The following CNTNAP3B variants were observed in gnomAD, a reference collection of about 807,000 sequenced individuals.
CNTNAP3B encodes the protein contactin-associated protein-like 3B.
A neutral mutation model predicts 108.9 loss-of-function variants in CNTNAP3B; 25 were observed. The ratio of observed to expected loss-of-function variants is 0.23; its 90% CI spans 0.17 to 0.32. CNTNAP3B has a LOEUF of 0.32. Ranked by LOEUF, CNTNAP3B falls within the 10% of genes least tolerant of loss-of-function variation. The pLI is 1.00. For missense variants in CNTNAP3B, 252 were observed against 1,210.4 expected, an observed-to-expected ratio of 0.21 and a Z score of 11.75; for synonymous variants, 103 against 473.4, an observed-to-expected ratio of 0.22 and a Z score of 10.16.
chr9:42,035,863 C>T (rs1192140966), intron 3 of CNTNAP3B, among the ~76,000 whole-genome samples: 3 of 144,198 alleles, frequency 2.1e-5, no homozygotes, highest in Non-Finnish European at 3.0e-5. Flanking sequence ...TGAGGTCTTG[C>T]TATGTTGCCC....
At chr9:42,028,681 A>G (rs1826453154) in intron 3 of CNTNAP3B, among the ~76,000 whole-genome samples, 1 of 149,914 alleles carries the variant, frequency 6.7e-6, no homozygotes, top group South Asian at 2.1e-4. Context: ...TTCTCATCAA[A>G]TTAGAATTTT....
At position 42,029,688 on chromosome 9, in the gene CNTNAP3B, G is replaced by A. The variant is rs1171271428; in HGVS notation, c.391-16163C>T. ...TAGGACTACAGGCACATGCCACTAT[G>A]CCCAGCTAATTGTTGTATTTTTGGT... On this transcript the variant is annotated intron_variant, in intron 3 of 23. Coordinates refer to ENST00000377561, the MANE Select transcript of CNTNAP3B (RefSeq NM_001201380.3). Among the ~76,000 whole-genome samples, 3 of 124,672 alleles carry A rather than the reference G, an allele frequency of 2.4e-5. 1 individual carries two copies. Among genetic ancestry groups the A allele is most frequent in the African/African-American group, 1.0e-4 (3 of 29,936 alleles). The allele number at this position is 124,672 out of a possible 152,430, so 81.8% of individuals were successfully genotyped here.
chr9:42,088,826 T>C (rs1232709558), intron 2 of CNTNAP3B, among the ~76,000 whole-genome samples: 3 of 139,566 alleles, frequency 2.1e-5, no homozygotes, highest in Non-Finnish European at 3.1e-5. Flanking sequence ...TTGTTGCATA[T>C]GTAAATTGGC....
At chr9:42,095,027 G>C (rs1315292397) in intron 2 of CNTNAP3B, among the ~76,000 whole-genome samples, 1 of 115,062 alleles carries the variant, frequency 8.7e-6, no homozygotes, top group African/African-American at 3.4e-5. Flanking sequence ...TCTTTTAGCG[G>C]TGAGAATAGT....
At chr9:41,934,057 A>T (rs1297460219) in intron 14 of CNTNAP3B, among the ~76,000 whole-genome samples, 1 of 145,406 alleles carries the variant, frequency 6.9e-6, no homozygotes, top group Non-Finnish European at 1.5e-5. Flanking sequence ...TATGTTAATT[A>T]TTCCACTGTT....
chr9:42,061,097 T>A (rs2118568967), intron 3 of CNTNAP3B, among the ~76,000 whole-genome samples: 1 of 98,884 alleles, frequency 1.0e-5, no homozygotes, highest in South Asian at 3.5e-4. Flanking sequence ...GGGTGTAATG[T>A]TTGGTTGTTT....
chr9:41,966,460 GA>G (rs1234663613), intron 10 of CNTNAP3B, among the ~76,000 whole-genome samples: 2 of 152,282 alleles, frequency 1.3e-5, no homozygotes, highest in African/African-American at 4.8e-5. Context: ...CTAGCATGCA[GA>G]AGACCAACAG....
At chr9:42,026,907 C>T (rs1338167182) in intron 3 of CNTNAP3B, among the ~76,000 whole-genome samples, 2 of 117,948 alleles carry the variant, frequency 1.7e-5, no homozygotes, top group Non-Finnish European at 3.5e-5. Flanking sequence ...GGGTCTCTTA[C>T]CTAATCCAAG....
chr9:41,951,934 G>A (rs1240493438), intron 13 of CNTNAP3B, among the ~76,000 whole-genome samples: 14 of 152,212 alleles, frequency 9.2e-5, no homozygotes, highest in Admixed American at 2.6e-4. Context: ...AAAATTAGCC[G>A]GGCGTGGCGG....
At chr9:41,977,261 C>G (rs1235925692) in intron 9 of CNTNAP3B, among the ~76,000 whole-genome samples, 3 of 151,658 alleles carry the variant, frequency 2.0e-5, no homozygotes, top group East Asian at 1.9e-4. Context: ...TATACTTTGA[C>G]AAATCATTTT....
intron 12 of CNTNAP3B, among the ~76,000 whole-genome samples, chr9:41,956,482 T>C (rs77846540): frequency 5.9e-3 from 894 of 151,006 alleles, no homozygotes; most frequent in Non-Finnish European, 9.2e-3. Flanking sequence ...TAAGTAGAAC[T>C]ACTGTAAACG....
At chr9:41,927,677 A>C (rs1823858681) in intron 15 of CNTNAP3B, among the ~76,000 whole-genome samples, 1 of 152,048 alleles carries the variant, frequency 6.6e-6, no homozygotes, top group Non-Finnish European at 1.5e-5. Context: ...AATTCAGTAA[A>C]ATAAGAGCTA....
rs1345505393 is a variant in CNTNAP3B at position 41,912,635 on chromosome 9, G to A, written c.2996-3854C>T. On this transcript the variant is annotated intron_variant, in intron 18 of 23. Coordinates refer to ENST00000377561, the MANE Select transcript of CNTNAP3B (RefSeq NM_001201380.3). ...CTTTTCTAATTTCCCTTTTGATTTC[G>A]GAGTGTATAGTTTAATTTCCACATA... Among the ~76,000 whole-genome samples, 101 of 59,134 alleles carry A rather than the reference G, an allele frequency of 1.7e-3. 1 individual carries two copies. Among genetic ancestry groups the A allele is most frequent in the Admixed American group, 3.5e-3 (18 of 5,088 alleles). The allele number at this position is 59,134 out of a possible 152,430, so 38.8% of individuals were successfully genotyped here. A position where few individuals can be genotyped will look rare whatever the true frequency, so the allele number is the denominator to read the frequency against.
At chr9:41,946,065 C>T (rs879669362) in intron 13 of CNTNAP3B, among the ~76,000 whole-genome samples, 1,346 of 151,080 alleles carry the variant, frequency 8.9e-3, no homozygotes, top group Non-Finnish European at 0.015. Flanking sequence ...ATATACCTAG[C>T]AACAGAAGAG....
chr9:41,925,907 A>G (rs1243188018), intron 15 of CNTNAP3B, among the ~76,000 whole-genome samples: 1 of 152,278 alleles, frequency 6.6e-6, no homozygotes, highest in Non-Finnish European at 1.5e-5. Context: ...TTTTTAGCAG[A>G]GAATGACAGA....
intron 7 of CNTNAP3B, among the ~76,000 whole-genome samples, chr9:41,992,127 C>T (rs1228167463): frequency 7.7e-6 from 1 of 129,912 alleles, no homozygotes; most frequent in Non-Finnish European, 1.6e-5. Context: ...AAAGGAGTCT[C>T]AATATAATTT....
rs1180331582 is a variant in CNTNAP3B, at chr9:42,108,794, T to C, written c.86-4055A>G. Among the ~76,000 whole-genome samples the C allele has an allele frequency of 4.1e-4, 58 of 140,566 alleles. 1 individual carries two copies. The highest frequency in any genetic ancestry group is 1.5e-5 in the Non-Finnish European group (1 of 65,236). The allele number at this position is 140,566 out of a possible 152,430, so 92.2% of individuals were successfully genotyped here. ...CCCTGACCCCTGCCTGGCATCACTC[T>C]TAGCTTCCCACTTCTCCTTGACAAG... On this transcript the variant is annotated intron_variant, in intron 1 of 23. Transcript: ENST00000377561.
rs1273046348 is a variant in CNTNAP3B at position 41,923,640 on chromosome 9, T to C, written c.2536+283A>G. Among the ~76,000 whole-genome samples the C allele has an allele frequency of 3.3e-5, 5 of 152,296 alleles. No individual in the cohort carries two copies. The South Asian group carries it at 6.2e-4, about 19-fold the overall frequency. On this transcript the variant is annotated intron_variant, in intron 16 of 23. Coordinates refer to ENST00000377561, the MANE Select transcript of CNTNAP3B (RefSeq NM_001201380.3). ...AGCTGGGCATGGTGGTGCGTGCCTA[T>C]AGTCCCAGCTACTCAGGAGACTGAG...
chr9:41,938,892 G>C (rs1361811334), intron 13 of CNTNAP3B, among the ~76,000 whole-genome samples: 4 of 152,244 alleles, frequency 2.6e-5, no homozygotes, highest in Admixed American at 6.5e-5. Context: ...AATTTTTGGA[G>C]GTATTTGTTT....
Sources: gnomAD v4.1 joint callset for allele counts (sites outside exome capture counted in the v4.1 genomes callset) on GRCh38, gnomAD v4.1.1 for gene constraint, MANE v1.5 for transcripts, NCBI Gene and HGNC (gene_info 2026-07-23, HGNC 2026-07-21) for gene names.